The following COL18A1 variants were observed in gnomAD, a reference collection of about 807,000 sequenced individuals.
COL18A1 encodes the protein collagen alpha-1(XVIII) chain.
Under a neutral mutation model 168.0 loss-of-function variants are expected in COL18A1, and 133 were observed. The observed-to-expected ratio is 0.79, with a 90% CI of 0.69 to 0.91. The LOEUF is 0.91. COL18A1 is among the 40% of genes least tolerant of loss of function. COL18A1 has a pLI of 0.00. For synonymous variants in COL18A1, 949 were observed against 809.0 expected, an observed-to-expected ratio of 1.17 and a Z score of -2.94; for missense variants, 2,126 against 1,925.4, an observed-to-expected ratio of 1.10 and a Z score of -1.95.
intron 2 of COL18A1, among the ~76,000 whole-genome samples, chr21:45,414,752 A>G (rs1291861120): frequency 6.6e-6 from 1 of 152,148 alleles, no homozygotes; most frequent in African/African-American, 2.4e-5. Flanking sequence ...ACCCTCATTT[A>G]TGCTTCCACT....
At chr21:45,506,562 G>C (rs984431331) in intron 37 of COL18A1, 1 of 190,062 alleles carries the variant, frequency 5.3e-6, no homozygotes, top group East Asian at 1.3e-4. Flanking sequence ...AGGTGGGTGC[G>C]GCCATGCTTG....
intron 2 of COL18A1, among the ~76,000 whole-genome samples, chr21:45,410,711 T>C (rs2033265058): frequency 2.0e-5 from 3 of 152,358 alleles, no homozygotes; most frequent in Admixed American, 2.0e-4. Flanking sequence ...CAGCTCGGAC[T>C]CCTCTGTCTG....
intron 3 of COL18A1, among the ~76,000 whole-genome samples, chr21:45,469,495 G>T (rs371541897): frequency 9.0e-4 from 137 of 152,352 alleles, no homozygotes; most frequent in African/African-American, 3.2e-3. Context: ...TCCCCCAGCG[G>T]TGAACGCACG....
intron 12 of COL18A1, 25 bp from the exon 13 acceptor site, chr21:45,480,675 A>G (rs375721532): frequency 1.2e-6 from 2 of 1,610,734 alleles, no homozygotes; most frequent in Non-Finnish European, 1.7e-6. Context: ...ATGGGCTGTG[A>G]CTATCTGTGT....
Position 45,405,405 on chromosome 21 carries a change from G to C in COL18A1, c.38G>C (p.Arg13Pro), listed in dbSNP as rs2123483620. 1.5e-6 allele frequency: 2 copies of C among 1,319,132 alleles called. No individual in the cohort carries two copies. Among genetic ancestry groups the C allele is most frequent in the Middle Eastern group, 5.7e-4 (2 of 3,486 alleles). The allele number at this position is 1,319,132 out of a possible 1,614,324, so 81.7% of individuals were successfully genotyped here. A position where few individuals can be genotyped will look rare whatever the true frequency, so the allele number is the denominator to read the frequency against. Residue 13 changes from arginine to proline, a missense_variant, in exon 2 of 42, where the codon CGG (arginine) becomes CCG (proline). Transcript: ENST00000651438. ...PRCPWPWPRR[R>P]RLLDVLAPLV... The stretch of plus-strand genomic sequence containing the variant: ...TGCCCCTGGCCATGGCCGCGGCGGC[G>C]GCGCCTCCTGGACGTGCTCGCGCCC...
rs546428468 is a variant in COL18A1, at chr21:45,421,584, G to T, written c.106+16111G>T. Reference sequence around the variant, plus strand: ...ACCTCGGCCTTCCATTTCTTAAATTGCTCACTCCTGCAGTCCTCTTCTCTT... The same window carrying T: ...ACCTCGGCCTTCCATTTCTTAAATTTCTCACTCCTGCAGTCCTCTTCTCTT... On this transcript the variant is annotated intron_variant, in intron 2 of 41. Transcript: ENST00000651438. The T allele has an allele frequency of 5.1e-5, 27 of 534,546 alleles. No homozygotes were observed. In the East Asian group the frequency reaches 9.8e-4, roughly 19 times the overall value. 33.1% of individuals were successfully genotyped at this position (534,546 alleles called of 1,614,324 possible).
chr21:45,413,513 C>G (rs772751303), intron 2 of COL18A1, among the ~76,000 whole-genome samples: 13 of 152,242 alleles, frequency 8.5e-5, no homozygotes, highest in Non-Finnish European at 1.5e-5. Flanking sequence ...TTTGCCCCAG[C>G]GAGGAGCTTT....
At position 45,498,694 on chromosome 21, in the gene COL18A1, C is replaced by A; in HGVS notation, c.2683+1033C>A. ...CAGCCTTGGATCTCTCAGCGTCACACACGACGCCCAGGAAGGAGTGAATGA... is the reference window on the plus strand; with the variant it reads ...CAGCCTTGGATCTCTCAGCGTCACAAACGACGCCCAGGAAGGAGTGAATGA... On this transcript the variant is annotated intron_variant, in intron 32 of 41. Transcript: ENST00000651438. The surrounding 1 kb of genome is among the most constrained non-coding windows in gnomAD (Gnocchi z 4.5). 1 of 651,338 alleles carries A rather than the reference C, an allele frequency of 1.5e-6. No homozygotes were observed. The highest frequency in any genetic ancestry group is 2.8e-6 in the Non-Finnish European group (1 of 354,902). The allele number at this position is 651,338 out of a possible 1,614,324, so 40.3% of individuals were successfully genotyped here.
chr21:45,409,693 C>G (rs1411513015), intron 2 of COL18A1, among the ~76,000 whole-genome samples: 1 of 152,252 alleles, frequency 6.6e-6, no homozygotes, highest in African/African-American at 2.4e-5. Context: ...AGCGCAGACC[C>G]TGCTCCACGG....
rs199498978 is a variant in COL18A1 at position 45,511,167 on chromosome 21, G to T, written c.3750G>T (p.Leu1250=). Residue 1250 remains leucine, a synonymous_variant, in exon 41 of 42, where the codon CTG becomes CTT. Coordinates refer to ENST00000651438, the MANE Select transcript of COL18A1 (RefSeq NM_001379500.1). The part of the protein sequence containing the change: ...EALFSGSEGP[L]KPGARIFSFD... ...TGTTCTCAGGCTCTGAGGGTCCGCT[G>T]AAGCCCGGGGCACGCATCTTCTCCT... is the stretch of plus-strand genomic sequence containing the variant. The T allele has an allele frequency of 1.9e-6, 3 of 1,601,754 alleles. No homozygotes were observed. In the Admixed American group the frequency reaches 5.1e-5, roughly 27 times the overall value.
At chr21:45,489,378 G>T (rs1025682500) in intron 18 of COL18A1, 108 bp from the exon 19 acceptor site, 4 of 827,106 alleles carry the variant, frequency 4.8e-6, no homozygotes, top group South Asian at 2.9e-5. Flanking sequence ...GGGGGAGGGC[G>T]GTGAGATGCA....
intron 2 of COL18A1, chr21:45,455,697 CCA>C (rs1371248739): frequency 6.2e-7 from 1 of 1,614,018 alleles, no homozygotes; most frequent in Non-Finnish European, 8.5e-7. Flanking sequence ...CCTGTGCAGC[CCA>C]CAGCAGATAC....
In COL18A1 at chr21:45,485,149, A is replaced by ATTTTTTT. The variant is rs751718038; in HGVS notation, c.1702-1687_1702-1681dup. ...AGGCATCTGCCACCACACCTGGCTA[A>ATTTTTTT]TTTTTTTTTTTTTTTTTTTTTTTTT... On this transcript the variant is annotated intron_variant, in intron 15 of 41. Transcript: ENST00000651438. 1.8e-3 allele frequency among the ~76,000 whole-genome samples: 101 copies of ATTTTTTT among 55,086 alleles called. 7 individuals carry two copies. Among genetic ancestry groups the ATTTTTTT allele is most frequent in the African/African-American group, 6.7e-3 (84 of 12,514 alleles). 36.1% of individuals were successfully genotyped at this position (55,086 alleles called of 152,430 possible).
In COL18A1 at chr21:45,474,387, TTGTA is replaced by T. The variant is rs976216652; in HGVS notation, c.738+410_738+413del. Among the ~76,000 whole-genome samples, 54 of 126,322 alleles carry T rather than the reference TTGTA, an allele frequency of 4.3e-4. 1 individual carries two copies. Among genetic ancestry groups the T allele is most frequent in the African/African-American group, 2.0e-3 (52 of 26,284 alleles). The allele number at this position is 126,322 out of a possible 152,430, so 82.9% of individuals were successfully genotyped here. Reference sequence around the variant, plus strand: ...GTGTCTGTCTTGTGTGTTGTGTGTGTTGTATGTGTGTCTCTGGTGTGTCTGTCTT... The same window carrying T: ...GTGTCTGTCTTGTGTGTTGTGTGTGTTGTGTGTCTCTGGTGTGTCTGTCTT... On this transcript the variant is annotated intron_variant, in intron 4 of 41. Transcript: ENST00000651438.
chr21:45,491,653 A>C (rs548488428), intron 22 of COL18A1, among the ~76,000 whole-genome samples: 45 of 152,232 alleles, frequency 3.0e-4, no homozygotes, highest in African/African-American at 9.9e-4. Flanking sequence ...CCGTCAGAAG[A>C]AGCAGATGCA....
At chr21:45,504,101 T>A (rs2037035500) in intron 33 of COL18A1, 47 bp downstream of exon 33, 1 of 1,593,484 alleles carries the variant, frequency 6.3e-7, no homozygotes, top group Non-Finnish European at 8.6e-7. Flanking sequence ...GTCCTGTACA[T>A]CCCGCTGGGT....
At chr21:45,428,916 TA>T (rs564324544) in intron 2 of COL18A1, among the ~76,000 whole-genome samples, 4,875 of 146,640 alleles carry the variant, frequency 0.033, 254 homozygotes, top group African/African-American at 0.11. Flanking sequence ...TTTTTTTTTT[TA>T]ATTTGAGACG....
At chr21:45,496,593 C>T (rs1413085115) in intron 30 of COL18A1, 25 bp downstream of exon 30, 1 of 1,077,334 alleles carries the variant, frequency 9.3e-7, no homozygotes, top group Non-Finnish European at 1.4e-6. Flanking sequence ...CACCCACTGT[C>T]CTACAGCCAC....
intron 25 of COL18A1, 67 bp downstream of exon 25, chr21:45,493,292 T>C: frequency 6.6e-7 from 1 of 1,515,186 alleles, no homozygotes; most frequent in East Asian, 2.5e-5. Flanking sequence ...CCTGCCCAGA[T>C]GACCACTGTT....
Sources: gnomAD v4.1 joint callset for allele counts (sites outside exome capture counted in the v4.1 genomes callset) on GRCh38, gnomAD v4.1.1 for gene constraint, Gnocchi (gnomAD v3.1) non-coding constraint, MANE v1.5 for transcripts, NCBI Gene and HGNC (gene_info 2026-07-23, HGNC 2026-07-21) for gene names.